CDH12: variants seen among roughly 807,000 people sequenced by gnomAD.
CDH12 encodes the protein cadherin 12.
In CDH12, 41 loss-of-function variants were observed where a neutral mutation model predicts 74.1. The observed-to-expected ratio is 0.55, with a 90% CI of 0.43 to 0.72. CDH12 has a LOEUF of 0.72. Ranked by LOEUF, CDH12 falls within the 30% of genes least tolerant of loss-of-function variation. CDH12 has a pLI of 0.00. For synonymous variants in CDH12, 399 were observed against 355.0 expected (o/e 1.12, Z -1.39); for missense variants, 945 against 977.2 (o/e 0.97, Z 0.44).
At chr5:22,814,469 A>G (rs574751222) in intron 1 of CDH12, among the ~76,000 whole-genome samples, 1 of 152,276 alleles carries the variant, frequency 6.6e-6, no homozygotes, top group East Asian at 1.9e-4. Context: ...TTGAATGGAT[A>G]TCTCTGCTTT....
chr5:22,644,652 A>G (rs1044299731), intron 1 of CDH12, among the ~76,000 whole-genome samples: 5 of 151,900 alleles, frequency 3.3e-5, no homozygotes, highest in African/African-American at 1.2e-4. Context: ...TTATCCAAAA[A>G]ATTTAGCTAT....
At chr5:21,888,740 T>C (rs1244964910) in intron 6 of CDH12, among the ~76,000 whole-genome samples, 1 of 152,116 alleles carries the variant, frequency 6.6e-6, no homozygotes, top group Admixed American at 6.6e-5. Flanking sequence ...CTATTTATAC[T>C]ATATTGTAAC....
rs1428520439 is a variant in CDH12 at position 22,377,385 on chromosome 5, T to C, written c.-333+27872A>G. 2.0e-5 allele frequency among the ~76,000 whole-genome samples: 3 copies of C among 152,268 alleles called. No individual in the cohort carries two copies. In the East Asian group the frequency reaches 5.8e-4, roughly 29 times the overall value. Reference sequence around the variant, plus strand: ...GGTCGCCAATGACGCAGGTTCTCCATACCCTGTCATGAACAGTGCCAGCTT... The same window carrying C: ...GGTCGCCAATGACGCAGGTTCTCCACACCCTGTCATGAACAGTGCCAGCTT... On this transcript the variant is annotated intron_variant, in intron 3 of 14. Transcript: ENST00000382254.
chr5:22,171,439 A>G lies in CDH12; in HGVS notation c.-187+41059T>C, dbSNP rs534171703. On this transcript the variant is annotated intron_variant, in intron 4 of 14. Transcript: ENST00000382254. ...GAAAATTACTTCCTCTGATAATATG[A>G]GTGTAATACATATTGACTTAAAATA... Among the ~76,000 whole-genome samples, 10 of 152,042 alleles carry G rather than the reference A, an allele frequency of 6.6e-5. No individual in the cohort carries two copies. The South Asian group carries it at 1.9e-3, about 28-fold the overall frequency.
chr5:22,078,730 A>C lies in CDH12; in HGVS notation c.-54T>G. ...TAAAAACTCCAACACTTAACGTAGA[A>C]TTGTGGAATCCAGGTTTGAGGTGTC... On this transcript the variant is annotated 5_prime_UTR_variant, in exon 5 of 15. Transcript: ENST00000382254. 6.3e-7 allele frequency: 1 copy of C among 1,589,502 alleles called. No individual in the cohort carries two copies. Among genetic ancestry groups the C allele is most frequent in the Non-Finnish European group, 8.6e-7 (1 of 1,166,968 alleles).
chr5:22,562,690 C>T (rs1431795994), intron 1 of CDH12, among the ~76,000 whole-genome samples: 1 of 151,586 alleles, frequency 6.6e-6, no homozygotes, highest in East Asian at 1.9e-4. Flanking sequence ...TGAAGACTTT[C>T]ACTCTTAATG....
intron 1 of CDH12, among the ~76,000 whole-genome samples, chr5:22,719,130 A>C (rs1258011132): frequency 1.3e-5 from 2 of 152,124 alleles, no homozygotes; most frequent in Non-Finnish European, 2.9e-5. Context: ...AAGTGAGGGC[A>C]GTCTTGTGGG....
chr5:22,360,390 G>T (rs904739763), intron 3 of CDH12, among the ~76,000 whole-genome samples: 4 of 152,146 alleles, frequency 2.6e-5, no homozygotes, highest in Non-Finnish European at 4.4e-5. Flanking sequence ...GGAAGAAGTT[G>T]AATCTCTGAA....
chr5:22,660,395 A>C (rs1403264415), intron 1 of CDH12, among the ~76,000 whole-genome samples: 2 of 152,204 alleles, frequency 1.3e-5, no homozygotes, highest in Admixed American at 1.3e-4. Flanking sequence ...TCCAACGTGA[A>C]GAGATTAATA....
intron 8 of CDH12, among the ~76,000 whole-genome samples, chr5:21,840,889 A>G (rs1749805920): frequency 1.3e-5 from 2 of 152,152 alleles, no homozygotes; most frequent in Admixed American, 1.3e-4. Context: ...CGTTAGACCT[A>G]AAACCATAAA....
chr5:22,750,326 T>G (rs1288025919), intron 1 of CDH12, among the ~76,000 whole-genome samples: 1 of 152,058 alleles, frequency 6.6e-6, no homozygotes, highest in Non-Finnish European at 1.5e-5. Context: ...CTTATAACTA[T>G]AGGTAAGGGC....
At position 21,783,395 on chromosome 5, in the gene CDH12, A is replaced by G; in HGVS notation, c.1356T>C (p.Thr452=). The part of the protein sequence containing the change: ...ATNELLDRES[T]AQYNFSIIAS... ...CAATTATGGAGAAATTATACTGCGC[A>G]GTGCTTTCTCTGTCTAGTAATTCAT... Residue 452 remains threonine (T), a synonymous_variant, in exon 11 of 15, where the codon ACT becomes ACC. Coordinates refer to ENST00000382254, the MANE Select transcript of CDH12 (RefSeq NM_004061.5). 2 of 1,613,082 alleles carry G rather than the reference A, an allele frequency of 1.2e-6. No individual in the cohort carries two copies. The highest frequency in any genetic ancestry group is 1.1e-5 in the South Asian group (1 of 91,066).
intron 3 of CDH12, among the ~76,000 whole-genome samples, chr5:22,225,365 C>A (rs978086300): frequency 6.6e-6 from 1 of 151,992 alleles, no homozygotes; most frequent in African/African-American, 2.4e-5. Context: ...TTTTGTGCTT[C>A]CCAGTTTTCC....
intron 3 of CDH12, among the ~76,000 whole-genome samples, chr5:22,324,445 T>G (rs143665114): frequency 0.011 from 1,612 of 152,130 alleles, 17 homozygotes; most frequent in Non-Finnish European, 0.015. Flanking sequence ...CCTCTTAAGT[T>G]AGATTGCAAC....
chr5:21,777,779 C>T (rs1052798764), intron 11 of CDH12, among the ~76,000 whole-genome samples: 3 of 152,150 alleles, frequency 2.0e-5, no homozygotes, highest in African/African-American at 7.2e-5. Flanking sequence ...GCATGAGCCA[C>T]CATGCCCAGC....
intron 4 of CDH12, among the ~76,000 whole-genome samples, chr5:22,083,284 A>G (rs1313175846): frequency 1.3e-5 from 2 of 152,210 alleles, no homozygotes; most frequent in Non-Finnish European, 2.9e-5. Context: ...AACCCTTGCC[A>G]TTCTCTTCCT....
chr5:21,822,651 T>G (rs946683234), intron 8 of CDH12, among the ~76,000 whole-genome samples: 4 of 152,090 alleles, frequency 2.6e-5, no homozygotes, highest in Non-Finnish European at 5.9e-5. Context: ...CCACTGCTGC[T>G]CATTCCCAGG....
At chr5:21,915,852 G>GTGTT (rs1276504226) in intron 6 of CDH12, among the ~76,000 whole-genome samples, 5 of 151,040 alleles carry the variant, frequency 3.3e-5, no homozygotes, top group Admixed American at 2.6e-4. Flanking sequence ...GTGTGTGTGT[G>GTGTT]TGTGTGTGTT....
intron 5 of CDH12, among the ~76,000 whole-genome samples, chr5:21,987,230 G>A (rs1193287534): frequency 6.6e-6 from 1 of 151,912 alleles, no homozygotes; most frequent in East Asian, 1.9e-4. Flanking sequence ...ATAAATATAA[G>A]TACGATTTCA....
Sources: gnomAD v4.1 joint callset for allele counts (sites outside exome capture counted in the v4.1 genomes callset) on GRCh38, gnomAD v4.1.1 for gene constraint, MANE v1.5 for transcripts, NCBI Gene and HGNC (gene_info 2026-07-23, HGNC 2026-07-21) for gene names.